Variants in TCF12 observed in about 807,000 individuals in gnomAD.
TCF12 encodes transcription factor 12, also known as DNA-binding protein HTF4.
TCF12 carries 45 observed loss-of-function variants against 86.0 expected under a neutral mutation model. The observed-to-expected ratio is 0.52, with a 90% confidence interval of 0.41 to 0.67. TCF12 has a LOEUF of 0.67. Ranked by LOEUF, TCF12 falls within the 30% of genes least tolerant of loss-of-function variation. The pLI is 0.00. For missense variants in TCF12, 881 were observed against 859.9 expected (o/e 1.02, Z -0.31); for synonymous variants, 330 against 299.6 (o/e 1.10, Z -1.05).
chr15:57,100,035 C>T (rs1336841557), intron 5 of TCF12, among the ~76,000 whole-genome samples: 1 of 152,142 alleles, frequency 6.6e-6, no homozygotes, highest in Non-Finnish European at 1.5e-5. Context: ...TGTGCATTGT[C>T]TATGATCAGT....
chr15:57,233,090 A>C (rs2059226703), intron 11 of TCF12, among the ~76,000 whole-genome samples: 1 of 149,142 alleles, frequency 6.7e-6, no homozygotes, highest in Non-Finnish European at 1.5e-5. Context: ...TTATATATGT[A>C]TATATAGGTA....
chr15:57,043,035 A>G lies in TCF12; in HGVS notation c.149-20715A>G, dbSNP rs188681090. On this transcript the variant is annotated intron_variant, in intron 3 of 20. Transcript: ENST00000333725. ...TTTGTGACTGGCTTACTTTATTAAC[A>G]TGTCATCCTGCAGGTTCATTCATGT... 3.3e-5 allele frequency among the ~76,000 whole-genome samples: 5 copies of G among 152,210 alleles called. No individual in the cohort carries two copies. In the East Asian group the frequency reaches 5.8e-4, roughly 18 times the overall value.
chr15:57,063,633 T>C, intron 3 of TCF12, 117 bp from the exon 4 acceptor site: 2 of 661,036 alleles, frequency 3.0e-6, no homozygotes, highest in Non-Finnish European at 5.1e-6. Flanking sequence ...GGATTGATAC[T>C]TAGCTCTTCC....
chr15:57,201,735 A>G (rs79447263), intron 8 of TCF12, among the ~76,000 whole-genome samples: 2,248 of 152,234 alleles, frequency 0.015, 30 homozygotes, highest in Admixed American at 0.038. Flanking sequence ...TTCCAAAGGC[A>G]TGGGTGGTAC....
chr15:57,007,868 TCC>T, intron 3 of TCF12, among the ~76,000 whole-genome samples: 1 of 26,748 alleles, frequency 3.7e-5, no homozygotes, highest in South Asian at 6.5e-4. Context: ...CTTCCTTCCT[TCC>T]TTCCTTCCTT....
intron 3 of TCF12, among the ~76,000 whole-genome samples, chr15:57,025,519 A>G (rs755226333): frequency 6.6e-6 from 1 of 152,156 alleles, no homozygotes; most frequent in Non-Finnish European, 1.5e-5. Flanking sequence ...AGTTAGAATA[A>G]TCCTCAGTCT....
At chr15:57,067,446 A>G (rs2068977587) in intron 4 of TCF12, among the ~76,000 whole-genome samples, 2 of 128,798 alleles carry the variant, frequency 1.6e-5, no homozygotes, top group South Asian at 2.9e-4. Context: ...AGGCTGAGGC[A>G]GGAGAATGGC....
chr15:57,243,382 CTA>C (rs1334913285), intron 12 of TCF12, 88 bp from the exon 13 acceptor site: 1 of 1,165,924 alleles, frequency 8.6e-7, no homozygotes, highest in African/African-American at 1.5e-5. Flanking sequence ...GGGGTGACAA[CTA>C]GATTATAAAA....
At chr15:57,234,213 T>G (rs537007649) in intron 12 of TCF12, 106 bp downstream of exon 12, 1 of 852,314 alleles carries the variant, frequency 1.2e-6, no homozygotes, top group Admixed American at 1.9e-5. Flanking sequence ...TGTAACAAGA[T>G]CAATTTCATT....
At chr15:57,099,972 A>G (rs536217241) in intron 5 of TCF12, among the ~76,000 whole-genome samples, 1 of 152,184 alleles carries the variant, frequency 6.6e-6, no homozygotes, top group South Asian at 2.1e-4. Context: ...AATCAAGTGG[A>G]CCACCTTTAC....
intron 5 of TCF12, among the ~76,000 whole-genome samples, chr15:57,107,095 C>G (rs2050182886): frequency 6.6e-6 from 1 of 152,164 alleles, no homozygotes; most frequent in Admixed American, 6.5e-5. Context: ...GAAAATTAAT[C>G]CACACAGTAA....
chr15:57,193,377 A>G (rs1389141622), intron 7 of TCF12, among the ~76,000 whole-genome samples: 1 of 152,210 alleles, frequency 6.6e-6, no homozygotes, highest in Non-Finnish European at 1.5e-5. Context: ...TGCAAAAGCA[A>G]ACTTTGTTCA....
intron 3 of TCF12, among the ~76,000 whole-genome samples, chr15:56,933,986 A>G (rs1314066612): frequency 6.6e-6 from 1 of 152,120 alleles, no homozygotes; most frequent in Non-Finnish European, 1.5e-5. Flanking sequence ...CTGATGAATC[A>G]TCAGAATCTC....
chr15:57,101,972 A>G (rs1292038158), intron 5 of TCF12, among the ~76,000 whole-genome samples: 1 of 152,230 alleles, frequency 6.6e-6, no homozygotes, highest in African/African-American at 2.4e-5. Flanking sequence ...AGAGCCAGAT[A>G]GTAAATAGTC....
At chr15:57,277,910 A>G (rs1172915420) in intron 19 of TCF12, among the ~76,000 whole-genome samples, 1 of 152,090 alleles carries the variant, frequency 6.6e-6, no homozygotes, top group Non-Finnish European at 1.5e-5. Context: ...ACCACACTCC[A>G]GTCTGGGCAG....
rs1469104160 is a variant in TCF12 at position 57,289,385 on chromosome 15, A to G, written c.*3240A>G. The G allele has an allele frequency of 6.6e-6, 1 of 152,200 alleles. No homozygotes were observed. The highest frequency in any genetic ancestry group is 1.5e-5 in the Non-Finnish European group (1 of 68,040). 9.4% of individuals were successfully genotyped at this position (152,200 alleles called of 1,614,324 possible). ...TATATCTGTGAAAACTGAGACTCAG[A>G]TTGTATGTCTCTAAGAACACATAAT... On this transcript the variant is annotated 3_prime_UTR_variant, in exon 21 of 21. Coordinates refer to ENST00000333725, the MANE Select transcript of TCF12 (RefSeq NM_207037.2).
chr15:57,265,111 AGT>A (rs1456678469), intron 18 of TCF12, among the ~76,000 whole-genome samples: 29 of 150,672 alleles, frequency 1.9e-4, no homozygotes, highest in Non-Finnish European at 3.4e-4. Context: ...AGTATAGTAT[AGT>A]ATAGTATAGT....
chr15:56,981,340 T>C (rs1462055987), intron 3 of TCF12, among the ~76,000 whole-genome samples: 1 of 152,244 alleles, frequency 6.6e-6, no homozygotes, highest in African/African-American at 2.4e-5. Flanking sequence ...AAGCCATGCA[T>C]TGATGCCTCT....
Position 56,920,502 on chromosome 15 carries a change from G to GTGTGTT in TCF12, c.75+519_76-518insTTGTGT, listed in dbSNP as rs2059742038. Among the ~76,000 whole-genome samples, 5 of 151,542 alleles carry GTGTGTT rather than the reference G, an allele frequency of 3.3e-5. No homozygotes were observed. In the South Asian group the frequency reaches 1.0e-3, roughly 32 times the overall value. ...CACACACACACGTGTGTGTGTGTGT[G>GTGTGTT]TGTGTGTATTATGTTCTTAACATGG... On this transcript the variant is annotated intron_variant, in intron 2 of 20. Coordinates refer to ENST00000333725, the MANE Select transcript of TCF12 (RefSeq NM_207037.2).
Sources: allele counts gnomAD v4.1 joint callset (sites outside exome capture counted in the v4.1 genomes callset), GRCh38; gene constraint gnomAD v4.1.1; transcripts MANE v1.5; gene names NCBI Gene and HGNC (gene_info 2026-07-23, HGNC 2026-07-21).